The following TMEM117 variants were observed in gnomAD, a reference collection of about 807,000 sequenced individuals.
The protein encoded by TMEM117 is transmembrane protein 117.
A neutral mutation model predicts 52.4 loss-of-function variants in TMEM117; 27 were observed. The ratio of observed to expected loss-of-function variants is 0.51; its 90% CI spans 0.38 to 0.71. The LOEUF (loss-of-function observed/expected upper bound fraction) is 0.71. TMEM117 is among the 30% of genes least tolerant of loss of function. TMEM117 has a pLI of 0.00. For synonymous variants in TMEM117, 215 were observed against 206.3 expected, an observed-to-expected ratio of 1.04 and a Z score of -0.36; for missense variants, 556 against 630.5, an observed-to-expected ratio of 0.88 and a Z score of 1.26.
At chr12:44,369,844 C>T (rs1951838557) in intron 6 of TMEM117, among the ~76,000 whole-genome samples, 1 of 152,092 alleles carries the variant, frequency 6.6e-6, no homozygotes, top group Non-Finnish European at 1.5e-5. Flanking sequence ...TGAGAGAAAA[C>T]TCCAAAGAGT....
the TMEM117 span, chr12:43,804,631 C>A: frequency 4.2e-6 from 5 of 1,192,078 alleles, no homozygotes; most frequent in Non-Finnish European, 6.0e-6. Flanking sequence ...ACTTTCCTAT[C>A]TATATTGGAA....
chr12:44,062,337 G>A (rs1947152758), intron 3 of TMEM117, among the ~76,000 whole-genome samples: 1 of 152,178 alleles, frequency 6.6e-6, no homozygotes, highest in African/African-American at 2.4e-5. Flanking sequence ...CACTTTCTTT[G>A]TAAGAGGCGG....
intron 3 of TMEM117, among the ~76,000 whole-genome samples, chr12:44,035,443 A>G (rs560789666): frequency 7.2e-5 from 11 of 152,332 alleles, no homozygotes; most frequent in African/African-American, 2.6e-4. Flanking sequence ...TTGCTCAAAA[A>G]ACGTATGTTC....
chr12:44,090,398 TTTTATTTA>T (rs199595783), intron 3 of TMEM117, among the ~76,000 whole-genome samples: 9,265 of 123,064 alleles, frequency 0.075, 546 homozygotes, highest in African/African-American at 0.17. Flanking sequence ...TTATCTTACT[TTTTATTTA>T]TTTATTTATT....
intron 3 of TMEM117, among the ~76,000 whole-genome samples, chr12:43,951,744 G>T (rs1945227214): frequency 8.1e-6 from 1 of 123,070 alleles, no homozygotes; most frequent in African/African-American, 3.4e-5. Flanking sequence ...TGAGGGCTCT[G>T]ATCCTGATGA....
chr12:43,879,252 G>A (rs1311283742), intron 2 of TMEM117, among the ~76,000 whole-genome samples: 1 of 152,124 alleles, frequency 6.6e-6, no homozygotes, highest in Non-Finnish European at 1.5e-5. Context: ...TTTATTTTAT[G>A]TTTGCTAAAA....
chr12:44,380,408 C>T lies in TMEM117; in HGVS notation c.898+3684C>T, dbSNP rs559439986. Among the ~76,000 whole-genome samples the T allele has an allele frequency of 1.5e-3, 226 of 152,272 alleles. 1 individual carries two copies. Among genetic ancestry groups the T allele is most frequent in the African/African-American group, 4.8e-3 (201 of 41,568 alleles). ...TTTGTTTGTTCTGCACTAGAAGAGC[C>T]TGGACAAGGACTGTGAAAGGTCTCC... is the stretch of plus-strand genomic sequence containing the variant. On this transcript the variant is annotated intron_variant, in intron 7 of 7. Transcript: ENST00000266534.
intron 3 of TMEM117, among the ~76,000 whole-genome samples, chr12:44,063,049 CT>C (rs1947163941): frequency 1.3e-5 from 2 of 152,186 alleles, no homozygotes; most frequent in African/African-American, 4.8e-5. Context: ...CACACAATGT[CT>C]TCTCAGTTGA....
At chr12:43,808,027 A>G in the TMEM117 span, among the ~76,000 whole-genome samples, 1 of 152,212 alleles carries the variant, frequency 6.6e-6, no homozygotes. Flanking sequence ...TTGTTTTTTA[A>G]CTTTAAGAGG....
chr12:44,224,541 T>TTCCTCCTCC (rs996823867), intron 5 of TMEM117, among the ~76,000 whole-genome samples: 5 of 151,684 alleles, frequency 3.3e-5, no homozygotes, highest in Non-Finnish European at 7.4e-5. Context: ...CCTCCTTCTC[T>TTCCTCCTCC]TCCTCCTCCT....
Position 44,126,288 on chromosome 12 carries a change from A to G in TMEM117, c.411-17237A>G, listed in dbSNP as rs546876997. ...TTTTTGCAGTTTCTCTAACCCCTCCATTGTTCAAAGGTCAACTGTATGTGC... is the reference window on the plus strand; with the variant it reads ...TTTTTGCAGTTTCTCTAACCCCTCCGTTGTTCAAAGGTCAACTGTATGTGC... On this transcript the variant is annotated intron_variant, in intron 3 of 7. Coordinates refer to ENST00000266534, the MANE Select transcript of TMEM117 (RefSeq NM_032256.3). 5.3e-5 allele frequency among the ~76,000 whole-genome samples: 8 copies of G among 152,272 alleles called. No individual in the cohort carries two copies. In the East Asian group the frequency reaches 1.2e-3, roughly 22 times the overall value.
At chr12:43,972,845 T>C (rs928980488) in intron 3 of TMEM117, among the ~76,000 whole-genome samples, 1 of 152,136 alleles carries the variant, frequency 6.6e-6, no homozygotes, top group African/African-American at 2.4e-5. Flanking sequence ...ACAGAAAAGT[T>C]CTCCAAGTCC....
intron 5 of TMEM117, among the ~76,000 whole-genome samples, chr12:44,289,282 C>T (rs1211967886): frequency 6.8e-6 from 1 of 147,854 alleles, no homozygotes; most frequent in African/African-American, 2.5e-5. Context: ...TTTCTTTCTT[C>T]ATTCATCCAT....
chr12:43,827,333 A>C, the TMEM117 span, among the ~76,000 whole-genome samples: 1 of 152,142 alleles, frequency 6.6e-6, no homozygotes, highest in Non-Finnish European at 1.5e-5. Context: ...CTTGAGCTTT[A>C]TCTTCCTCAC....
chr12:44,282,560 C>T (rs979334155), intron 5 of TMEM117, among the ~76,000 whole-genome samples: 1 of 152,110 alleles, frequency 6.6e-6, no homozygotes, highest in Non-Finnish European at 1.5e-5. Flanking sequence ...ATCTGTGGAA[C>T]TTTAAACTTG....
intron 5 of TMEM117, among the ~76,000 whole-genome samples, chr12:44,244,614 T>C (rs1950106236): frequency 1.3e-5 from 2 of 152,016 alleles, no homozygotes; most frequent in Non-Finnish European, 2.9e-5. Flanking sequence ...TTATCAAATA[T>C]ATTGATTTCA....
At chr12:43,845,099 G>T in intron 2 of TMEM117, 171 bp downstream of exon 2, 2 of 678,516 alleles carry the variant, frequency 2.9e-6, no homozygotes, top group South Asian at 4.8e-5. Flanking sequence ...CTCTGTTAAT[G>T]GTTTACTTTT....
At position 43,986,455 on chromosome 12, in the gene TMEM117, T is replaced by C. The variant is rs537817860; in HGVS notation, c.410+42113T>C. Among the ~76,000 whole-genome samples the C allele has an allele frequency of 7.9e-5, 12 of 152,296 alleles. No homozygotes were observed. The South Asian group carries it at 2.3e-3, about 29-fold the overall frequency. ...TTGAAGACATTACTTTGTTGTCCTA[T>C]GGCATCTATTATTGCTGATGTCTTT... On this transcript the variant is annotated intron_variant, in intron 3 of 7. Coordinates refer to ENST00000266534, the MANE Select transcript of TMEM117 (RefSeq NM_032256.3).
chr12:44,359,498 G>A (rs1951694293), intron 6 of TMEM117, among the ~76,000 whole-genome samples: 1 of 151,758 alleles, frequency 6.6e-6, no homozygotes, highest in Non-Finnish European at 1.5e-5. Context: ...ATATCATAAA[G>A]TTTGCATACT....
Sources: gnomAD v4.1 joint callset for allele counts (sites outside exome capture counted in the v4.1 genomes callset) on GRCh38, gnomAD v4.1.1 for gene constraint, MANE v1.5 for transcripts, NCBI Gene and HGNC (gene_info 2026-07-23, HGNC 2026-07-21) for gene names.